Variants in VPS26C observed in about 807,000 individuals in gnomAD.
VPS26C encodes VPS26 endosomal protein sorting factor C.
VPS26C carries 19 observed loss-of-function variants against 30.6 expected under a neutral mutation model. The observed-to-expected ratio is 0.62, with a 90% confidence interval of 0.43 to 0.91. The LOEUF (loss-of-function observed/expected upper bound fraction) is 0.91, where lower values mean the gene tolerates loss of function less well. Among genes scored for constraint, VPS26C ranks in the 40% least tolerant of loss-of-function variants. VPS26C has a pLI of 0.00. For synonymous variants in VPS26C, 132 were observed against 151.5 expected (o/e 0.87, Z 0.95); for missense variants, 318 against 385.1 (o/e 0.83, Z 1.46).
At chr21:37,240,420 T>TGGCCCTGAGCCACTGCGCCC (rs1377660276) in intron 2 of VPS26C, 76 bp downstream of exon 2, 187 of 1,541,948 alleles carry the variant, frequency 1.2e-4, no homozygotes, top group Non-Finnish European at 1.5e-4. Context: ...CCACTGCGCC[T>TGGCCCTGAGCCACTGCGCCC]GGCCCTGAGC....
intron 1 of VPS26C, among the ~76,000 whole-genome samples, chr21:37,249,343 A>G (rs1200330055): frequency 1.3e-5 from 2 of 152,274 alleles, no homozygotes; most frequent in African/African-American, 4.8e-5. Flanking sequence ...CAACATGAAG[A>G]GAGTTTCAGA....
chr21:37,267,445 A>G (rs978354705), upstream of VPS26C: 6 of 601,848 alleles, frequency 1.0e-5, no homozygotes, highest in South Asian at 2.0e-5. Flanking sequence ...CACACTCCCT[A>G]GCTCCGAGGG....
At chr21:37,241,884 A>G (rs775316414) in intron 1 of VPS26C, among the ~76,000 whole-genome samples, 2 of 152,210 alleles carry the variant, frequency 1.3e-5, no homozygotes, top group Non-Finnish European at 2.9e-5. Flanking sequence ...CATCTGTCCT[A>G]CTGGTGTTTA....
intron 5 of VPS26C, among the ~76,000 whole-genome samples, chr21:37,229,998 C>T (rs1357967972): frequency 6.6e-6 from 1 of 152,226 alleles, no homozygotes; most frequent in African/African-American, 2.4e-5. Flanking sequence ...TCCCTAGTAG[C>T]TGGGACTACG....
chr21:37,258,156 C>T (rs923620038), intron 1 of VPS26C, among the ~76,000 whole-genome samples: 1 of 152,242 alleles, frequency 6.6e-6, no homozygotes, highest in Non-Finnish European at 1.5e-5. Flanking sequence ...AAACGTTGCC[C>T]AGTGACTTCA....
chr21:37,230,265 A>C lies in VPS26C; in HGVS notation c.508-1892T>G, dbSNP rs996591860. ...AAATTCTTTTAGGCGACTGATGAAA[A>C]AGGATAGCTTTCAACATTCAGCTCA... On this transcript the variant is annotated intron_variant, in intron 5 of 7. Coordinates refer to ENST00000309117, the MANE Select transcript of VPS26C (RefSeq NM_006052.2). Among the ~76,000 whole-genome samples, 22 of 152,334 alleles carry C rather than the reference A, an allele frequency of 1.4e-4. No homozygotes were observed. The South Asian group carries it at 3.3e-3, about 23-fold the overall frequency.
In VPS26C at chr21:37,233,046, G is replaced by C. The variant is rs2085982064; in HGVS notation, c.432+316C>G. Among the ~76,000 whole-genome samples the C allele has an allele frequency of 6.6e-6, 1 of 152,200 alleles. No homozygotes were observed. The highest frequency in any genetic ancestry group is 6.5e-5 in the Admixed American group (1 of 15,280). ...GCCGAGCTTCATGAGAGCCTGCCTG[G>C]CATTTTTTATCCAGGGGCTGGGATG... is the stretch of plus-strand genomic sequence containing the variant. On this transcript the variant is annotated intron_variant, in intron 4 of 7. Transcript: ENST00000309117. The surrounding 1 kb of genome is among the most constrained non-coding windows in gnomAD (Gnocchi z 5.2).
At chr21:37,251,246 G>A (rs1387266553) in intron 1 of VPS26C, among the ~76,000 whole-genome samples, 5 of 152,162 alleles carry the variant, frequency 3.3e-5, no homozygotes, top group Admixed American at 3.3e-4. Context: ...GATGACTTAT[G>A]AACATAGTTA....
chr21:37,236,978 G>A (rs945234735), intron 3 of VPS26C, among the ~76,000 whole-genome samples: 14 of 152,254 alleles, frequency 9.2e-5, no homozygotes, highest in African/African-American at 3.4e-4. Context: ...ATGAGATCTT[G>A]CGTTGTTGCC....
intron 1 of VPS26C, among the ~76,000 whole-genome samples, chr21:37,259,334 T>C (rs998321013): frequency 3.3e-5 from 5 of 152,144 alleles, no homozygotes; most frequent in African/African-American, 9.7e-5. Flanking sequence ...TAAGGTAGTA[T>C]TGAGGTTCTT....
intron 1 of VPS26C, among the ~76,000 whole-genome samples, chr21:37,250,053 C>G (rs954040944): frequency 1.3e-5 from 2 of 152,186 alleles, no homozygotes; most frequent in African/African-American, 4.8e-5. Context: ...CCTGTAATCC[C>G]AGCACTTTGG....
At chr21:37,258,994 A>C (rs1411831190) in intron 1 of VPS26C, among the ~76,000 whole-genome samples, 2 of 152,216 alleles carry the variant, frequency 1.3e-5, no homozygotes, top group African/African-American at 4.8e-5. Context: ...AAGCTTTTTC[A>C]GGAGTATTAG....
In VPS26C at chr21:37,267,222, C is replaced by T. The variant is rs1403361119; in HGVS notation, c.57+16G>A. On this transcript the variant is annotated intron_variant, in intron 1 of 7. Transcript: ENST00000309117. Reference sequence around the variant, plus strand: ...GCCCAACCCCACCTCCATCCCCACCCCCAGCCCCCACTTACCCCGGCGTGA... The same window carrying T: ...GCCCAACCCCACCTCCATCCCCACCTCCAGCCCCCACTTACCCCGGCGTGA... The T allele has an allele frequency of 2.1e-5, 32 of 1,524,856 alleles. No homozygotes were observed. The Admixed American group carries it at 2.9e-4, about 14-fold the overall frequency. 94.5% of individuals were successfully genotyped at this position (1,524,856 alleles called of 1,614,324 possible). A position where few individuals can be genotyped will look rare whatever the true frequency, so the allele number is the denominator to read the frequency against.
At chr21:37,227,421 A>G in intron 7 of VPS26C, 1 of 538,078 alleles carries the variant, frequency 1.9e-6, no homozygotes, top group Non-Finnish European at 3.3e-6. Context: ...TGGAAGTCCC[A>G]CAAGCACCAG....
intron 1 of VPS26C, among the ~76,000 whole-genome samples, chr21:37,266,597 G>A (rs1271442507): frequency 6.6e-6 from 1 of 152,196 alleles, no homozygotes; most frequent in Non-Finnish European, 1.5e-5. Context: ...GAGGCCCAAG[G>A]AGGTTAAATG....
chr21:37,262,190 TC>T (rs2086311661), intron 1 of VPS26C, among the ~76,000 whole-genome samples: 2 of 152,312 alleles, frequency 1.3e-5, no homozygotes, highest in Non-Finnish European at 2.9e-5. Flanking sequence ...AAACACCTGG[TC>T]AACCAAGTAA....
intron 5 of VPS26C, 61 bp downstream of exon 5, chr21:37,232,316 G>C: frequency 6.9e-7 from 1 of 1,451,488 alleles, no homozygotes; most frequent in Admixed American, 1.7e-5. Context: ...GCAATAGCTA[G>C]TCCGTGGGGT....
chr21:37,244,897 G>A (rs552154399), intron 1 of VPS26C, among the ~76,000 whole-genome samples: 3 of 152,332 alleles, frequency 2.0e-5, no homozygotes, highest in Non-Finnish European at 4.4e-5. Flanking sequence ...CACCCAGAGA[G>A]GCATCCTGTC....
intron 1 of VPS26C, among the ~76,000 whole-genome samples, 186 bp from the exon 2 acceptor site, chr21:37,240,825 C>T (rs997271578): frequency 2.0e-5 from 3 of 152,184 alleles, no homozygotes; most frequent in Non-Finnish European, 4.4e-5. Context: ...CTGATAATGA[C>T]GTGGCAGCCT....
Sources: allele counts gnomAD v4.1 joint callset (sites outside exome capture counted in the v4.1 genomes callset), GRCh38; gene constraint gnomAD v4.1.1; non-coding constraint Gnocchi (gnomAD v3.1); transcripts MANE v1.5; gene names NCBI Gene and HGNC (gene_info 2026-07-23, HGNC 2026-07-21).